FOXP4: variants seen among roughly 807,000 people sequenced by gnomAD.
FOXP4 encodes forkhead box protein P4.
A neutral mutation model predicts 82.6 loss-of-function variants in FOXP4; 25 were observed. The ratio of observed to expected loss-of-function variants is 0.30; its 90% CI spans 0.22 to 0.42. The LOEUF (loss-of-function observed/expected upper bound fraction) is 0.42. FOXP4 is among the 10% of genes least tolerant of loss of function. The pLI is 1.00. For synonymous variants in FOXP4, 415 were observed against 388.2 expected (o/e 1.07, Z -0.81); for missense variants, 785 against 900.9 (o/e 0.87, Z 1.65).
rs1767121147 is a variant in FOXP4 at position 41,599,899 on chromosome 6, C to CG, written c.*963_*964insG. 1 of 152,648 alleles carries CG rather than the reference C, an allele frequency of 6.6e-6. No homozygotes were observed. 9.5% of individuals were successfully genotyped at this position (152,648 alleles called of 1,614,324 possible). On this transcript the variant is annotated 3_prime_UTR_variant, in exon 17 of 17. Coordinates refer to ENST00000307972, the MANE Select transcript of FOXP4 (RefSeq NM_001012426.2). ...CTCCCCTTCCTTGCCCGCCTCTCCC[C>CG]CCGCCGCCCCACCAGTTAAACGGAT... is the stretch of plus-strand genomic sequence containing the variant.
chr6:41,573,822 A>T (rs1765329894), intron 2 of FOXP4, among the ~76,000 whole-genome samples: 1 of 152,130 alleles, frequency 6.6e-6, no homozygotes. Flanking sequence ...GTGGAGCCAG[A>T]ACTTGGATCC....
Position 41,589,954 on chromosome 6 carries a change from T to G in FOXP4, c.1150-9T>G. On this transcript the variant is annotated splice_polypyrimidine_tract_variant and intron_variant, in intron 10 of 16. Transcript: ENST00000307972. ...GCACTGGTCTCAGTACCCTCCCCGT[T>G]GCTCACAGCTGAACCCGGTCCCCGG... 3.7e-6 allele frequency: 6 copies of G among 1,613,680 alleles called. No homozygotes were observed. The highest frequency in any genetic ancestry group is 5.1e-6 in the Non-Finnish European group (6 of 1,179,864).
At position 41,590,078 on chromosome 6, in the gene FOXP4, T is replaced by G; in HGVS notation, c.1265T>G (p.Leu422Arg). Residue 422 changes from leucine to arginine, a missense_variant, in exon 11 of 17, where the codon CTA becomes CGA. Transcript: ENST00000307972. ...TCGGCCGCAGCCCCTGTCACCCCTC[T>G]ACGGCCCCCTGGCCTGGGCTCTGCC... ...PTSAAAPVTP[L>R]RPPGLGSASL... The G allele has an allele frequency of 6.2e-7, 1 of 1,613,852 alleles. No individual in the cohort carries two copies.
chr6:41,547,748 A>C (rs1763732914), intron 1 of FOXP4, among the ~76,000 whole-genome samples: 1 of 151,850 alleles, frequency 6.6e-6, no homozygotes, highest in Admixed American at 6.5e-5. Flanking sequence ...GGAGGCCACC[A>C]GGGAAGGAGC....
At chr6:41,578,643 T>C (rs1356606035) in intron 3 of FOXP4, among the ~76,000 whole-genome samples, 1 of 145,814 alleles carries the variant, frequency 6.9e-6, no homozygotes, top group African/African-American at 2.5e-5. Context: ...CTGCCCTTTT[T>C]TCCCCTTCTC....
chr6:41,594,959 G>T lies in FOXP4; in HGVS notation c.1626G>T (p.Glu542Asp). Residue 542 changes from glutamate to aspartate, a missense_variant, in exon 14 of 17, where the codon GAG becomes GAT. By Grantham distance (45) the Glu-to-Asp change is conservative. This residue lies in a region of FOXP4 where 184 missense variants were observed against 187.3 expected (regional missense o/e 0.98). Coordinates refer to ENST00000307972, the MANE Select transcript of FOXP4 (RefSeq NM_001012426.2). The part of the protein sequence containing the change: ...KGAVWTVDER[E>D]YQKRRPPKMT... ...CCGTGTGGACTGTGGACGAGCGGGA[G>T]TATCAGAAGCGGAGACCGCCAAAGA... The T allele has an allele frequency of 6.2e-7, 1 of 1,614,174 alleles. No individual in the cohort carries two copies. Among genetic ancestry groups the T allele is most frequent in the Non-Finnish European group, 8.5e-7 (1 of 1,180,024 alleles).
chr6:41,598,694 CA>C (rs1260729638), intron 16 of FOXP4, 94 bp from the exon 17 acceptor site: 1 of 1,508,262 alleles, frequency 6.6e-7, no homozygotes, highest in Non-Finnish European at 9.0e-7. Context: ...GTGGGCACCC[CA>C]CTGTGCCCCA....
At chr6:41,581,049 G>A (rs1765771155) in intron 3 of FOXP4, among the ~76,000 whole-genome samples, 1 of 152,220 alleles carries the variant, frequency 6.6e-6, no homozygotes, top group Admixed American at 6.5e-5. Flanking sequence ...GGACATGATG[G>A]GGGCAAAGGT....
chr6:41,550,695 C>T (rs1763948539), intron 1 of FOXP4, among the ~76,000 whole-genome samples: 1 of 152,248 alleles, frequency 6.6e-6, no homozygotes, highest in African/African-American at 2.4e-5. Flanking sequence ...TTTCTCTTTT[C>T]CCTTTAAGTG....
rs563458139 is a variant in FOXP4, at chr6:41,600,650, G to A, written c.*1714G>A. ...GGCCCTGTGTGTGTCACCGAGGTGC[G>A]GGAGGGGAGGAGCATTAAAGCTGAA... On this transcript the variant is annotated 3_prime_UTR_variant, in exon 17 of 17. Coordinates refer to ENST00000307972, the MANE Select transcript of FOXP4 (RefSeq NM_001012426.2). 6.6e-6 allele frequency: 1 copy of A among 152,458 alleles called. No homozygotes were observed. The highest frequency in any genetic ancestry group is 1.5e-5 in the Non-Finnish European group (1 of 68,084). 9.4% of individuals were successfully genotyped at this position (152,458 alleles called of 1,614,324 possible). A position where few individuals can be genotyped will look rare whatever the true frequency, so the allele number is the denominator to read the frequency against.
chr6:41,561,862 G>A (rs1467275432), intron 1 of FOXP4, among the ~76,000 whole-genome samples: 1 of 152,212 alleles, frequency 6.6e-6, no homozygotes, highest in African/African-American at 2.4e-5. Flanking sequence ...GGAAGGCAGA[G>A]GATTCACAAT....
intron 3 of FOXP4, among the ~76,000 whole-genome samples, chr6:41,583,435 C>T (rs1562034712): frequency 6.6e-6 from 1 of 152,200 alleles, no homozygotes; most frequent in South Asian, 2.1e-4. Context: ...CCCTGAGGAC[C>T]TAGCCTGTCA....
chr6:41,585,391 G>A, intron 4 of FOXP4, 40 bp from the exon 5 acceptor site: 1 of 1,602,592 alleles, frequency 6.2e-7, no homozygotes, highest in Non-Finnish European at 8.5e-7. Context: ...TGTGGGGATA[G>A]CAGTACCCTG....
chr6:41,551,860 C>T (rs1047823849), intron 1 of FOXP4, among the ~76,000 whole-genome samples: 1 of 152,132 alleles, frequency 6.6e-6, no homozygotes, highest in African/African-American at 2.4e-5. Context: ...CTACTGTGTG[C>T]TGGAGGCCAG....
chr6:41,572,064 G>A (rs980938014), intron 2 of FOXP4, among the ~76,000 whole-genome samples: 1 of 152,180 alleles, frequency 6.6e-6, no homozygotes, highest in Non-Finnish European at 1.5e-5. Flanking sequence ...TTTTTCAAGT[G>A]TATAATGAAA....
intron 2 of FOXP4, among the ~76,000 whole-genome samples, chr6:41,567,023 A>G (rs1243945464): frequency 6.6e-6 from 1 of 152,140 alleles, no homozygotes; most frequent in Non-Finnish European, 1.5e-5. Flanking sequence ...GCCTTTTCCC[A>G]TCATATTCCT....
At chr6:41,570,764 A>T (rs1372323782) in intron 2 of FOXP4, among the ~76,000 whole-genome samples, 1 of 152,096 alleles carries the variant, frequency 6.6e-6, no homozygotes, top group African/African-American at 2.4e-5. Context: ...GGGAAGGGAG[A>T]TGAATGTTCC....
chr6:41,578,147 G>T (rs1168678228), intron 3 of FOXP4, 66 bp downstream of exon 3: 9 of 1,380,104 alleles, frequency 6.5e-6, no homozygotes, highest in Non-Finnish European at 8.1e-6. Context: ...CAGAGGGAGG[G>T]CAAGGACCCG....
intron 3 of FOXP4, 88 bp downstream of exon 3, chr6:41,578,169 C>A: frequency 8.9e-7 from 1 of 1,124,160 alleles, no homozygotes; most frequent in Non-Finnish European, 1.3e-6. Context: ...TGGAGAACTG[C>A]TCTTGCCAGT....
Sources: gnomAD v4.1 joint callset for allele counts (sites outside exome capture counted in the v4.1 genomes callset) on GRCh38, gnomAD v4.1.1 for gene constraint, gnomAD v4.1.1 regional missense constraint, MANE v1.5 for transcripts, NCBI Gene and HGNC (gene_info 2026-07-23, HGNC 2026-07-21) for gene names.